FRMD5: variants seen among roughly 807,000 people sequenced by gnomAD.
FRMD5 encodes the protein FERM domain containing 5, also known as FERM domain-containing protein 5.
A neutral mutation model predicts 69.0 loss-of-function variants in FRMD5; 20 were observed. The observed-to-expected ratio is 0.29, with a 90% CI of 0.20 to 0.42. The LOEUF is 0.42. Ranked by LOEUF, FRMD5 falls within the 10% of genes least tolerant of loss-of-function variation. The pLI, the probability that FRMD5 is intolerant of heterozygous loss-of-function variation, is 1.00. For synonymous variants in FRMD5, 271 were observed against 260.1 expected (o/e 1.04, Z -0.40); for missense variants, 595 against 708.6 (o/e 0.84, Z 1.82).
At chr15:44,151,804 A>C (rs994626733) in intron 1 of FRMD5, among the ~76,000 whole-genome samples, 4 of 152,220 alleles carry the variant, frequency 2.6e-5, no homozygotes, top group Non-Finnish European at 4.4e-5. Flanking sequence ...GTAAAAAGGC[A>C]ACCCACAGAA....
chr15:43,957,925 C>T (rs944669741), intron 1 of FRMD5, among the ~76,000 whole-genome samples: 5 of 152,128 alleles, frequency 3.3e-5, no homozygotes, highest in Admixed American at 6.6e-5. Flanking sequence ...TTACTGTGGG[C>T]GAGACACTAT....
chr15:44,144,587 G>A (rs891373484), intron 1 of FRMD5, among the ~76,000 whole-genome samples: 6 of 152,118 alleles, frequency 3.9e-5, no homozygotes, highest in Admixed American at 6.5e-5. Flanking sequence ...TCTCTTTCCA[G>A]GGGCACCCTG....
intron 1 of FRMD5, among the ~76,000 whole-genome samples, chr15:43,970,138 A>T (rs754673079): frequency 5.9e-5 from 9 of 152,364 alleles, no homozygotes; most frequent in Admixed American, 1.3e-4. Context: ...GGAGTTCTAA[A>T]ATTAAAACTA....
chr15:44,135,730 CA>C (rs1384490303), intron 1 of FRMD5, among the ~76,000 whole-genome samples: 4 of 148,094 alleles, frequency 2.7e-5, no homozygotes, highest in Non-Finnish European at 5.9e-5. Flanking sequence ...GAGGCTGAGG[CA>C]GGAGAATTGC....
chr15:44,066,883 T>C (rs777556443), intron 1 of FRMD5, among the ~76,000 whole-genome samples: 12 of 151,978 alleles, frequency 7.9e-5, no homozygotes, highest in Non-Finnish European at 1.8e-4. Context: ...AAAAATAAAA[T>C]TGGGCAAAGC....
chr15:43,900,126 G>C (rs1039476601), intron 7 of FRMD5, among the ~76,000 whole-genome samples: 2 of 152,166 alleles, frequency 1.3e-5, no homozygotes, highest in African/African-American at 4.8e-5. Context: ...GAGTGACTCA[G>C]CAGTTCAGGG....
At chr15:44,161,514 G>T (rs773989409) in intron 1 of FRMD5, among the ~76,000 whole-genome samples, 1 of 152,080 alleles carries the variant, frequency 6.6e-6, no homozygotes, top group Non-Finnish European at 1.5e-5. Context: ...AAGCAACTGG[G>T]CAACATGCTT....
intron 1 of FRMD5, among the ~76,000 whole-genome samples, chr15:44,098,292 C>G (rs1010170774): frequency 1.3e-5 from 2 of 151,962 alleles, no homozygotes; most frequent in Non-Finnish European, 2.9e-5. Flanking sequence ...TTTGGGAGGC[C>G]AAGGCGGGCA....
At position 43,872,907 on chromosome 15, in the gene FRMD5, C is replaced by T; in HGVS notation, c.*978G>A. 1 of 419,260 alleles carries T rather than the reference C, an allele frequency of 2.4e-6. No homozygotes were observed. Among genetic ancestry groups the T allele is most frequent in the Non-Finnish European group, 4.2e-6 (1 of 237,608 alleles). The allele number at this position is 419,260 out of a possible 1,614,324, so 26.0% of individuals were successfully genotyped here. A position where few individuals can be genotyped will look rare whatever the true frequency, so the allele number is the denominator to read the frequency against. On this transcript the variant is annotated 3_prime_UTR_variant, in exon 14 of 14. Coordinates refer to ENST00000417257, the MANE Select transcript of FRMD5 (RefSeq NM_032892.5). ...ATATAAATTGAAATAGTCTTTGGGTCAAGGGGGTGTATATAAAATAAGCAC... is the reference window on the plus strand; with the variant it reads ...ATATAAATTGAAATAGTCTTTGGGTTAAGGGGGTGTATATAAAATAAGCAC...
Position 43,874,130 on chromosome 15 carries a change from C to T in FRMD5, c.1468G>A (p.Glu490Lys), listed in dbSNP as rs551307319. 23 of 1,614,202 alleles carry T rather than the reference C, an allele frequency of 1.4e-5. 1 individual carries two copies. Among genetic ancestry groups the T allele is most frequent in the Middle Eastern group, 3.3e-4 (2 of 6,062 alleles). ...RALCQGHSGP[E>K]EEQVNKFVLS... is the part of the protein sequence containing the mutation. ...ACAAACTTATTCACCTGTTCCTCCT[C>T]GGGCCCGCTGTGCCCCTGACACAGG... Residue 490 changes from glutamate (E) to lysine (K), a missense_variant, in exon 14 of 14, where the codon GAG becomes AAG. Physicochemically the swap from Glu to Lys is moderately conservative, Grantham distance 56. Around this residue, in one of 5 missense-constraint regions of FRMD5, gnomAD observed 245 missense variants for 227.1 expected, o/e 1.08. Coordinates refer to ENST00000417257, the MANE Select transcript of FRMD5 (RefSeq NM_032892.5).
At chr15:44,190,862 A>C (rs895759164) in intron 1 of FRMD5, among the ~76,000 whole-genome samples, 2 of 152,226 alleles carry the variant, frequency 1.3e-5, no homozygotes, top group African/African-American at 4.8e-5. Context: ...AGATGTGATA[A>C]TTCTTAGGGT....
chr15:44,096,586 A>G (rs1415238597), intron 1 of FRMD5, among the ~76,000 whole-genome samples: 2 of 151,936 alleles, frequency 1.3e-5, no homozygotes, highest in Admixed American at 6.6e-5. Flanking sequence ...TATTTTTAAT[A>G]GAGACGAGGT....
chr15:43,893,691 A>G (rs2088849212), intron 7 of FRMD5, among the ~76,000 whole-genome samples: 1 of 152,148 alleles, frequency 6.6e-6, no homozygotes, highest in African/African-American at 2.4e-5. Context: ...GGCGTGAGGC[A>G]TGGGTGTGGG....
At position 43,989,505 on chromosome 15, in the gene FRMD5, T is replaced by TCTC. The variant is rs968487708; in HGVS notation, c.103-65199_103-65197dup. On this transcript the variant is annotated intron_variant, in intron 1 of 13. Coordinates refer to ENST00000417257, the MANE Select transcript of FRMD5 (RefSeq NM_032892.5). ...GAGGAGCTGGAGGCCACCATGGCCATCTCCTGCTCGAAGTCCAGGGTGACA... is the reference window on the plus strand; with the variant it reads ...GAGGAGCTGGAGGCCACCATGGCCATCTCCTCCTGCTCGAAGTCCAGGGTGACA... 28 of 881,602 alleles carry TCTC rather than the reference T, an allele frequency of 3.2e-5. No individual in the cohort carries two copies. The Middle Eastern group carries it at 3.9e-3, about 122-fold the overall frequency. The allele number at this position is 881,602 out of a possible 1,614,324, so 54.6% of individuals were successfully genotyped here.
At chr15:44,021,680 G>A (rs1202344137) in intron 1 of FRMD5, among the ~76,000 whole-genome samples, 2 of 152,146 alleles carry the variant, frequency 1.3e-5, no homozygotes, top group East Asian at 1.9e-4. Context: ...AAGATGTGGA[G>A]AAACTAGAAC....
intron 1 of FRMD5, among the ~76,000 whole-genome samples, chr15:44,173,274 C>G (rs573340984): frequency 3.7e-4 from 56 of 152,230 alleles, no homozygotes; most frequent in African/African-American, 1.3e-3. Flanking sequence ...AGGTTTGATA[C>G]TTTAGCCAGG....
At chr15:44,035,955 C>T (rs1056385050) in intron 1 of FRMD5, among the ~76,000 whole-genome samples, 1 of 152,162 alleles carries the variant, frequency 6.6e-6, no homozygotes, top group African/African-American at 2.4e-5. Flanking sequence ...GTGCTCCTGA[C>T]AGATCTTCCT....
intron 1 of FRMD5, among the ~76,000 whole-genome samples, chr15:44,174,658 T>C (rs2077862448): frequency 6.6e-6 from 1 of 152,204 alleles, no homozygotes; most frequent in South Asian, 2.1e-4. Context: ...ATTTATGACT[T>C]CAACAAATCT....
rs1889586963 is a variant in FRMD5, at chr15:43,989,880, G to GTGC, written c.103-65574_103-65572dup. Reference sequence around the variant, plus strand: ...GGGGGACCTTGGTCAGCAGCATGGGGTGCTCCTTGGCAGCCACACACAGCT... The same window carrying GTGC: ...GGGGGACCTTGGTCAGCAGCATGGGGTGCTGCTCCTTGGCAGCCACACACAGCT... On this transcript the variant is annotated intron_variant, in intron 1 of 13. Transcript: ENST00000417257. 4 of 1,053,024 alleles carry GTGC rather than the reference G, an allele frequency of 3.8e-6. No homozygotes were observed. The African/African-American group carries it at 6.3e-5, about 17-fold the overall frequency. The allele number at this position is 1,053,024 out of a possible 1,614,324, so 65.2% of individuals were successfully genotyped here. A position where few individuals can be genotyped will look rare whatever the true frequency, so the allele number is the denominator to read the frequency against.
Sources: allele counts gnomAD v4.1 joint callset (sites outside exome capture counted in the v4.1 genomes callset), GRCh38; gene constraint gnomAD v4.1.1; regional missense constraint gnomAD v4.1.1; transcripts MANE v1.5; gene names NCBI Gene and HGNC (gene_info 2026-07-23, HGNC 2026-07-21).